PTPRB: variants seen among roughly 807,000 people sequenced by gnomAD.
PTPRB encodes the protein protein tyrosine phosphatase receptor type B, also known as receptor-type tyrosine-protein phosphatase beta.
A neutral mutation model predicts 238.1 loss-of-function variants in PTPRB; 97 were observed. That is an observed-to-expected ratio of 0.41 (90% CI 0.35 to 0.48). The LOEUF (loss-of-function observed/expected upper bound fraction) is 0.48. Among genes scored for constraint, PTPRB ranks in the 20% least tolerant of loss-of-function variants. The pLI is 0.30. For missense variants in PTPRB, 2,292 were observed against 2,681.9 expected, an observed-to-expected ratio of 0.85 and a Z score of 3.21; for synonymous variants, 970 against 995.4, an observed-to-expected ratio of 0.97 and a Z score of 0.48.
chr12:70,617,454 G>A (rs1303883182), intron 3 of PTPRB, among the ~76,000 whole-genome samples: 1 of 152,170 alleles, frequency 6.6e-6, no homozygotes, highest in Non-Finnish European at 1.5e-5. Flanking sequence ...CAATCTAGGA[G>A]TCGAGATGAA....
Position 70,569,889 on chromosome 12 carries a change from A to G in PTPRB, c.3420T>C (p.Asp1140=), listed in dbSNP as rs765475889. The G allele has an allele frequency of 3.8e-5, 62 of 1,613,046 alleles. No individual in the cohort carries two copies. Among genetic ancestry groups the G allele is most frequent in the Non-Finnish European group, 4.7e-5 (56 of 1,179,118 alleles). ...CAGGAGTCCAGTTCACCGTCAGGCT[A>G]TCTGTTGCTCCATTGGGAGAAATGT... ...NIHISPNGAT[D]SLTVNWTPGG... The change falls in exon 14 of 34, where the codon GAT becomes GAC. Residue 1140 remains aspartate, a synonymous_variant. Coordinates refer to ENST00000334414, the MANE Select transcript of PTPRB (RefSeq NM_001109754.4).
In PTPRB at chr12:70,569,875, T is replaced by C; in HGVS notation, c.3434A>G (p.Asn1145Ser). The change falls in exon 14 of 34, where the codon AAC (asparagine) becomes AGC (serine). Residue 1145 changes from asparagine to serine, a missense_variant. Physicochemically the swap from Asn to Ser is conservative, Grantham distance 46. Around this residue, in one of 4 missense-constraint regions of PTPRB, gnomAD observed 683 missense variants for 862.0 expected, o/e 0.79. Transcript: ENST00000334414. ...PNGATDSLTV[N>S]WTPGGGDVDS... Reference sequence around the variant, plus strand: ...AACGTCTCCCCCACCAGGAGTCCAGTTCACCGTCAGGCTATCTGTTGCTCC... The same window carrying C: ...AACGTCTCCCCCACCAGGAGTCCAGCTCACCGTCAGGCTATCTGTTGCTCC... 4 of 1,613,726 alleles carry C rather than the reference T, an allele frequency of 2.5e-6. No individual in the cohort carries two copies. The South Asian group carries it at 3.3e-5, about 13-fold the overall frequency.
intron 2 of PTPRB, among the ~76,000 whole-genome samples, chr12:70,624,046 G>A (rs17108432): frequency 0.066 from 10,056 of 152,176 alleles, 496 homozygotes; most frequent in East Asian, 0.15. Context: ...TGGCTATAAA[G>A]CAGTCTTTCC....
intron 3 of PTPRB, among the ~76,000 whole-genome samples, chr12:70,620,241 C>A (rs1229635047): frequency 6.6e-6 from 1 of 152,200 alleles, no homozygotes. Context: ...AAGCTGCAAG[C>A]CAGGTCTGGG....
chr12:70,609,895 G>T, intron 3 of PTPRB: 1 of 1,345,258 alleles, frequency 7.4e-7, no homozygotes, highest in Non-Finnish European at 9.9e-7. Context: ...GGGGTCACCT[G>T]TTGCGCGCGC....
In PTPRB at chr12:70,556,103, G is replaced by A. The variant is rs767350132; in HGVS notation, c.4760C>T (p.Thr1587Met). The A allele has an allele frequency of 1.2e-5, 20 of 1,613,592 alleles. No individual in the cohort carries two copies. The highest frequency in any genetic ancestry group is 5.0e-5 in the Admixed American group (3 of 59,978). The change falls in exon 19 of 34, where the codon ACG becomes ATG. Residue 1587 changes from threonine to methionine, a missense_variant. Coordinates refer to ENST00000334414, the MANE Select transcript of PTPRB (RefSeq NM_001109754.4). Reference protein sequence around the residue: ...QNLHCRPQNSTAIACSWIPPD... With the variant: ...QNLHCRPQNSMAIACSWIPPD... Reference sequence around the variant, plus strand: ...AGGGATCCAAGAACAGGCAATGGCCGTGGAGTTCTGAGGCCGGCAATGCAG... The same window carrying A: ...AGGGATCCAAGAACAGGCAATGGCCATGGAGTTCTGAGGCCGGCAATGCAG...
intron 32 of PTPRB, among the ~76,000 whole-genome samples, chr12:70,524,915 ATG>A (rs1565897245): frequency 2.2e-5 from 3 of 139,384 alleles, no homozygotes; most frequent in African/African-American, 2.6e-5. Flanking sequence ...GTATATATGT[ATG>A]TATATATGTG....
chr12:70,592,344 T>C lies in PTPRB; in HGVS notation c.1718A>G (p.Gln573Arg). The C allele has an allele frequency of 3.7e-6, 6 of 1,614,036 alleles. No individual in the cohort carries two copies. In the South Asian group the frequency reaches 6.6e-5, roughly 18 times the overall value. ...ACCAGAGACACAGCTGACAGTAACTTGATAAAGTCGACCGGGGACTAACTC... is the reference window on the plus strand; with the variant it reads ...ACCAGAGACACAGCTGACAGTAACTCGATAAAGTCGACCGGGGACTAACTC... ...FKELVPGRLY[Q>R]VTVSCVSGEL... The change falls in exon 7 of 34, where the codon CAA becomes CGA. Residue 573 changes from glutamine to arginine, a missense_variant. Physicochemically the swap from Gln to Arg is conservative, Grantham distance 43 (BLOSUM62 1). Coordinates refer to ENST00000334414, the MANE Select transcript of PTPRB (RefSeq NM_001109754.4).
At chr12:70,558,304 T>C (rs375426402) in intron 18 of PTPRB, among the ~76,000 whole-genome samples, 1 of 152,178 alleles carries the variant, frequency 6.6e-6, no homozygotes, top group Non-Finnish European at 1.5e-5. Flanking sequence ...ATATTTCTCT[T>C]GACACACAAA....
intron 32 of PTPRB, among the ~76,000 whole-genome samples, chr12:70,528,803 TAAG>T (rs910941339): frequency 2.6e-5 from 4 of 152,154 alleles, no homozygotes; most frequent in Admixed American, 6.6e-5. Context: ...TTAAAAAATA[TAAG>T]AAGTCAGCTC....
intron 28 of PTPRB, among the ~76,000 whole-genome samples, chr12:70,537,235 A>G (rs1329746319): frequency 6.9e-6 from 1 of 145,664 alleles, no homozygotes; most frequent in Non-Finnish European, 1.5e-5. Flanking sequence ...TGCAGTGAGC[A>G]GAGATCGCGC....
At chr12:70,528,575 GA>G (rs1442919180) in intron 32 of PTPRB, among the ~76,000 whole-genome samples, 1 of 152,124 alleles carries the variant, frequency 6.6e-6, no homozygotes, top group Non-Finnish European at 1.5e-5. Context: ...TGGAGGAAAA[GA>G]AATCCACTCC....
At chr12:70,541,031 G>A (rs1394737015) in intron 22 of PTPRB, 74 bp from the exon 23 acceptor site, 333 of 1,162,480 alleles carry the variant, frequency 2.9e-4, no homozygotes. Flanking sequence ...GAAAGCTATT[G>A]AAGCCATATC....
Position 70,534,926 on chromosome 12 carries a change from G to T in PTPRB, c.6111C>A (p.Asp2037Glu). 2 of 1,613,784 alleles carry T rather than the reference G, an allele frequency of 1.2e-6. No individual in the cohort carries two copies. The highest frequency in any genetic ancestry group is 1.7e-6 in the Non-Finnish European group (2 of 1,179,766). ...RVKCDHYWPA[D>E]QDSLYYGDLI... ...GGTCCCCATAGTAGAGGGAATCCTG[G>T]TCCGCTGGCCAGTAATGATCACACT... Residue 2037 changes from aspartate (D) to glutamate (E), a missense_variant, in exon 30 of 34, where the codon GAC (aspartate) becomes GAA (glutamate). Around this residue, in one of 4 missense-constraint regions of PTPRB, gnomAD observed 397 missense variants for 502.0 expected, o/e 0.79. Coordinates refer to ENST00000334414, the MANE Select transcript of PTPRB (RefSeq NM_001109754.4).
intron 1 of PTPRB, among the ~76,000 whole-genome samples, chr12:70,636,810 C>T (rs1229469430): frequency 4.6e-5 from 7 of 152,102 alleles, no homozygotes; most frequent in African/African-American, 1.7e-4. Flanking sequence ...AATTGCTAAA[C>T]ATCAGTATTA....
intron 9 of PTPRB, among the ~76,000 whole-genome samples, chr12:70,583,294 T>C (rs1282213782): frequency 6.6e-6 from 1 of 152,080 alleles, no homozygotes; most frequent in African/African-American, 2.4e-5. Flanking sequence ...TGAAAATCCT[T>C]CTAATAAACA....
intron 19 of PTPRB, 76 bp downstream of exon 19, chr12:70,555,794 G>A: frequency 1.3e-6 from 2 of 1,518,340 alleles, no homozygotes. Flanking sequence ...AGCAGTGATG[G>A]ATATGATAGA....
At position 70,571,108 on chromosome 12, in the gene PTPRB, TAGGGAAGTA is replaced by T; in HGVS notation, c.3279_3287del (p.Phe1093_Ser1095del). ...GAATTTTGTATTGGCGGCCTGGTGT[TAGGGAAGTA>T]AATCGATACTCGGTTGCGGTATTTA... On this transcript the variant is annotated inframe_deletion, in exon 13 of 34. Transcript: ENST00000334414. The T allele has an allele frequency of 6.2e-7, 1 of 1,613,936 alleles. No homozygotes were observed.
intron 32 of PTPRB, among the ~76,000 whole-genome samples, chr12:70,525,595 G>T (rs1872311030): frequency 6.6e-6 from 1 of 152,216 alleles, no homozygotes; most frequent in South Asian, 2.1e-4. Flanking sequence ...AGATATAGAA[G>T]AGTCAGTGCT....
Sources: allele counts gnomAD v4.1 joint callset (sites outside exome capture counted in the v4.1 genomes callset), GRCh38; gene constraint gnomAD v4.1.1; regional missense constraint gnomAD v4.1.1; transcripts MANE v1.5; gene names NCBI Gene and HGNC (gene_info 2026-07-23, HGNC 2026-07-21).